WDR7: variants seen among roughly 807,000 people sequenced by gnomAD.
WDR7 encodes the protein WD repeat-containing protein 7.
WDR7 carries 46 observed loss-of-function variants against 169.4 expected under a neutral mutation model. The observed-to-expected ratio is 0.27, with a 90% CI of 0.21 to 0.35. The LOEUF is 0.35. Ranked by LOEUF, WDR7 falls within the 10% of genes least tolerant of loss-of-function variation. The probability of loss-of-function intolerance (pLI) is 1.00; values close to 1 mark genes in which losing one functional copy is unlikely to be tolerated. For missense variants in WDR7, 1,534 were observed against 1,859.3 expected (o/e 0.83, Z 3.22); for synonymous variants, 612 against 666.8 (o/e 0.92, Z 1.27).
At chr18:56,897,579 A>G (rs1346945478) in intron 21 of WDR7, among the ~76,000 whole-genome samples, 2 of 152,044 alleles carry the variant, frequency 1.3e-5, no homozygotes, top group African/African-American at 4.8e-5. Flanking sequence ...GAATTCAGGT[A>G]GAACTACCCA....
chr18:56,787,849 G>A (rs150293193), intron 19 of WDR7, among the ~76,000 whole-genome samples: 10 of 152,300 alleles, frequency 6.6e-5, no homozygotes, highest in African/African-American at 2.4e-4. Flanking sequence ...GGATATTGTA[G>A]CTAGTAAAAA....
rs17090455 is a variant in WDR7 at position 56,973,636 on chromosome 18, G to T, written c.4164+11107G>T. On this transcript the variant is annotated intron_variant, in intron 26 of 27. Coordinates refer to ENST00000254442, the MANE Select transcript of WDR7 (RefSeq NM_015285.3). ...GAGTATATAAAGAATTTAGCACAAG[G>T]CCTGGCATCTTGATAGTTATTTGCC... Among the ~76,000 whole-genome samples, 303 of 152,042 alleles carry T rather than the reference G, an allele frequency of 2.0e-3. 2 individuals carry two copies. Among genetic ancestry groups the T allele is most frequent in the African/African-American group, 7.1e-3 (295 of 41,482 alleles).
At chr18:56,961,891 C>T (rs767072397) in intron 25 of WDR7, among the ~76,000 whole-genome samples, 2 of 152,062 alleles carry the variant, frequency 1.3e-5, no homozygotes, top group Non-Finnish European at 1.5e-5. Context: ...TAATTTTATT[C>T]TAAACTACTG....
At chr18:56,696,837 CAATG>C (rs1196330668) in intron 12 of WDR7, among the ~76,000 whole-genome samples, 1 of 152,082 alleles carries the variant, frequency 6.6e-6, no homozygotes, top group Non-Finnish European at 1.5e-5. Flanking sequence ...TGAGCAAAGA[CAATG>C]AATATATATG....
At chr18:56,904,839 A>T (rs975835521) in intron 21 of WDR7, among the ~76,000 whole-genome samples, 3 of 152,168 alleles carry the variant, frequency 2.0e-5, no homozygotes, top group African/African-American at 7.2e-5. Context: ...TCATCTCCAG[A>T]TGAACTAGAG....
intron 18 of WDR7, among the ~76,000 whole-genome samples, chr18:56,781,138 T>C (rs767357102): frequency 9.2e-5 from 14 of 152,046 alleles, no homozygotes; most frequent in Middle Eastern, 3.2e-3. Flanking sequence ...AACTTCAAGC[T>C]AAAAAAACAA....
At chr18:56,780,662 T>C (rs1568190753) in intron 18 of WDR7, among the ~76,000 whole-genome samples, 1 of 151,950 alleles carries the variant, frequency 6.6e-6, no homozygotes, top group Admixed American at 6.6e-5. Context: ...TAGCCGGTCG[T>C]GGTGGCATAC....
intron 13 of WDR7, among the ~76,000 whole-genome samples, chr18:56,726,226 T>G (rs959945466): frequency 5.9e-5 from 9 of 152,198 alleles, no homozygotes; most frequent in Non-Finnish European, 1.2e-4. Context: ...GCATTGAATC[T>G]ATAAATTACC....
At chr18:56,991,236 T>C (rs1195390121) in intron 26 of WDR7, among the ~76,000 whole-genome samples, 1 of 142,980 alleles carries the variant, frequency 7.0e-6, no homozygotes, top group African/African-American at 2.6e-5. Context: ...AAGCTCCGCC[T>C]CCTGGGTTCA....
intron 19 of WDR7, among the ~76,000 whole-genome samples, chr18:56,808,245 T>C (rs900966333): frequency 3.3e-5 from 5 of 152,182 alleles, no homozygotes; most frequent in Admixed American, 2.6e-4. Context: ...AAAGAAACTG[T>C]AGATACTCAC....
intron 26 of WDR7, among the ~76,000 whole-genome samples, chr18:57,004,670 G>A (rs2048030669): frequency 6.6e-6 from 1 of 152,166 alleles, no homozygotes; most frequent in Non-Finnish European, 1.5e-5. Flanking sequence ...ATAGCCAGGA[G>A]TGACACAGTA....
intron 20 of WDR7, among the ~76,000 whole-genome samples, chr18:56,822,747 AT>A (rs1219680451): frequency 2.0e-5 from 3 of 152,188 alleles, no homozygotes; most frequent in Non-Finnish European, 4.4e-5. Flanking sequence ...CTACTACAAA[AT>A]ATATGAGTTT....
intron 26 of WDR7, among the ~76,000 whole-genome samples, chr18:56,965,672 T>A (rs894905692): frequency 6.6e-6 from 1 of 152,144 alleles, no homozygotes; most frequent in Non-Finnish European, 1.5e-5. Context: ...AATTGAGTAG[T>A]TGTCACTGGC....
intron 21 of WDR7, among the ~76,000 whole-genome samples, chr18:56,907,185 A>G (rs533524583): frequency 3.1e-3 from 473 of 152,354 alleles, no homozygotes; most frequent in Non-Finnish European, 5.2e-3. Context: ...TAAAAAAAGT[A>G]AAACTGAACT....
chr18:56,882,091 T>C (rs1181697666), intron 21 of WDR7, among the ~76,000 whole-genome samples: 1 of 152,236 alleles, frequency 6.6e-6, no homozygotes, highest in Non-Finnish European at 1.5e-5. Flanking sequence ...ACATGCTTAC[T>C]GGCTCCTACC....
rs1037544726 is a variant in WDR7, at chr18:57,026,916, A to G, written c.4270-88A>G. On this transcript the variant is annotated intron_variant, in intron 27 of 27. Transcript: ENST00000254442. Reference sequence around the variant, plus strand: ...AGGAGAATAACCATGATGGAGGGGAAAGTAGCCAGGAGAGATCGACCCAGT... The same window carrying G: ...AGGAGAATAACCATGATGGAGGGGAGAGTAGCCAGGAGAGATCGACCCAGT... 5.2e-6 allele frequency: 7 copies of G among 1,336,034 alleles called. No individual in the cohort carries two copies. In the African/African-American group the frequency reaches 8.7e-5, roughly 17 times the overall value. 82.8% of individuals were successfully genotyped at this position (1,336,034 alleles called of 1,614,324 possible). A position where few individuals can be genotyped will look rare whatever the true frequency, so the allele number is the denominator to read the frequency against.
rs1347447939 is a variant in WDR7, at chr18:56,967,167, C to CT, written c.4164+4639dup. On this transcript the variant is annotated intron_variant, in intron 26 of 27. Coordinates refer to ENST00000254442, the MANE Select transcript of WDR7 (RefSeq NM_015285.3). ...TAGGTGCTAAGGCCAGGAGTTCAGC[C>CT]TGCTCAATAGGGAGCGCTTGGGTGG... is the stretch of plus-strand genomic sequence containing the variant. 5.9e-4 allele frequency among the ~76,000 whole-genome samples: 90 copies of CT among 151,850 alleles called. 1 individual carries two copies. Among genetic ancestry groups the CT allele is most frequent in the African/African-American group, 2.0e-3 (84 of 41,146 alleles).
At chr18:57,011,208 C>CA (rs1180338513) in intron 26 of WDR7, among the ~76,000 whole-genome samples, 2 of 152,126 alleles carry the variant, frequency 1.3e-5, no homozygotes, top group African/African-American at 4.8e-5. Context: ...ATAACCCCCC[C>CA]ACAGAAGAAA....
chr18:56,744,548 A>G (rs993059984), intron 14 of WDR7, among the ~76,000 whole-genome samples: 18 of 152,206 alleles, frequency 1.2e-4, no homozygotes, highest in African/African-American at 3.9e-4. Flanking sequence ...ACTGATTGCT[A>G]GGACCGACTG....
Sources: allele counts gnomAD v4.1 joint callset (sites outside exome capture counted in the v4.1 genomes callset), GRCh38; gene constraint gnomAD v4.1.1; transcripts MANE v1.5; gene names NCBI Gene and HGNC (gene_info 2026-07-23, HGNC 2026-07-21).